NRG3: variants seen among roughly 807,000 people sequenced by gnomAD.
NRG3 encodes pro-neuregulin-3, membrane-bound isoform.
A neutral mutation model predicts 66.9 loss-of-function variants in NRG3; 31 were observed. The observed-to-expected ratio is 0.46, with a 90% CI of 0.35 to 0.63. The LOEUF (loss-of-function observed/expected upper bound fraction) is 0.63, where lower values mean the gene tolerates loss of function less well. NRG3 is among the 20% of genes least tolerant of loss of function. The pLI is 0.00. For missense variants in NRG3, 910 were observed against 878.9 expected (o/e 1.04, Z -0.45); for synonymous variants, 393 against 359.4 (o/e 1.09, Z -1.06).
intron 2 of NRG3, among the ~76,000 whole-genome samples, chr10:82,524,683 T>A (rs1846518307): frequency 6.6e-6 from 1 of 151,916 alleles, no homozygotes; most frequent in African/African-American, 2.4e-5. Flanking sequence ...TCTTCAAATA[T>A]AGAGCAGTCT....
chr10:82,604,435 A>G (rs746222554), intron 2 of NRG3, among the ~76,000 whole-genome samples: 1 of 152,126 alleles, frequency 6.6e-6, no homozygotes, highest in Non-Finnish European at 1.5e-5. Context: ...ATCCATTCAC[A>G]TATTGAAGGC....
chr10:82,913,772 T>C (rs181578786), intron 4 of NRG3, among the ~76,000 whole-genome samples: 18 of 152,344 alleles, frequency 1.2e-4, no homozygotes, highest in Non-Finnish European at 2.5e-4. Flanking sequence ...TTTAACATGA[T>C]GCATAATGTA....
chr10:82,524,184 C>T (rs773088902), intron 2 of NRG3, among the ~76,000 whole-genome samples: 4 of 152,018 alleles, frequency 2.6e-5, no homozygotes, highest in Non-Finnish European at 4.4e-5. Flanking sequence ...TTTGTATCAT[C>T]TCCAATAGTA....
chr10:82,264,332 G>A (rs2078186947), intron 1 of NRG3, among the ~76,000 whole-genome samples: 1 of 152,090 alleles, frequency 6.6e-6, no homozygotes, highest in African/African-American at 2.4e-5. Context: ...TGAGCAAGGG[G>A]GAAACCCCTT....
intron 1 of NRG3, among the ~76,000 whole-genome samples, chr10:81,895,256 T>C (rs1002713346): frequency 2.0e-5 from 3 of 152,196 alleles, no homozygotes; most frequent in African/African-American, 7.2e-5. Context: ...CTTCAAGCAT[T>C]ACAGTTTTAA....
chr10:82,885,032 C>A (rs1458498379), intron 4 of NRG3, among the ~76,000 whole-genome samples: 1 of 152,178 alleles, frequency 6.6e-6, no homozygotes, highest in African/African-American at 2.4e-5. Context: ...AATGGAATCA[C>A]AATCTCAGAA....
At chr10:82,418,362 A>G (rs1439532804) in intron 2 of NRG3, among the ~76,000 whole-genome samples, 1 of 146,702 alleles carries the variant, frequency 6.8e-6, no homozygotes, top group Non-Finnish European at 1.5e-5. Flanking sequence ...GTTATGTTCC[A>G]AAGATGTAAT....
chr10:81,933,351 G>A lies in NRG3; in HGVS notation c.823+57188G>A, dbSNP rs184052750. On this transcript the variant is annotated intron_variant, in intron 1 of 8. Coordinates refer to ENST00000372141, the MANE Select transcript of NRG3 (RefSeq NM_001010848.4). ...TAGATACTTATGTCCCAATTTTGTA[G>A]ATCAGAAAATTGAAGTTAAGGAGAT... is the stretch of plus-strand genomic sequence containing the variant. Among the ~76,000 whole-genome samples the A allele has an allele frequency of 1.9e-3, 292 of 152,172 alleles. 3 individuals carry two copies. Among genetic ancestry groups the A allele is most frequent in the Non-Finnish European group, 4.4e-4 (30 of 67,998 alleles).
intron 1 of NRG3, among the ~76,000 whole-genome samples, chr10:81,996,007 T>A (rs1000049670): frequency 1.3e-5 from 2 of 152,102 alleles, no homozygotes; most frequent in Admixed American, 6.6e-5. Flanking sequence ...GCTCTGGAAT[T>A]TTTTTTTCTT....
intron 4 of NRG3, among the ~76,000 whole-genome samples, chr10:82,894,081 G>A (rs556877395): frequency 1.7e-4 from 26 of 152,282 alleles, no homozygotes; most frequent in Middle Eastern, 3.4e-3. Context: ...TCAGAGAATT[G>A]CAAAGAGGAA....
chr10:82,223,129 G>A (rs1451344444), intron 1 of NRG3, among the ~76,000 whole-genome samples: 1 of 152,070 alleles, frequency 6.6e-6, no homozygotes, highest in Admixed American at 6.6e-5. Flanking sequence ...TTCTTTCAGT[G>A]TAGATTCTTT....
At chr10:82,511,139 C>G (rs908003163) in intron 2 of NRG3, among the ~76,000 whole-genome samples, 1 of 152,106 alleles carries the variant, frequency 6.6e-6, no homozygotes, top group South Asian at 2.1e-4. Context: ...TGGCCTATAA[C>G]TGTGGACACA....
chr10:81,996,796 A>G (rs1348055120), intron 1 of NRG3, among the ~76,000 whole-genome samples: 2 of 152,120 alleles, frequency 1.3e-5, no homozygotes, highest in African/African-American at 4.8e-5. Flanking sequence ...TGCAACACAG[A>G]TGCATAATTT....
chr10:82,110,182 A>C (rs1026399440), intron 1 of NRG3, among the ~76,000 whole-genome samples: 1 of 152,314 alleles, frequency 6.6e-6, no homozygotes, highest in South Asian at 2.1e-4. Context: ...TAAGAAGGTT[A>C]CAATTGAGGG....
chr10:82,398,526 T>TGTGTGTGTGAGAGA (rs373924370), intron 2 of NRG3, among the ~76,000 whole-genome samples: 2 of 136,586 alleles, frequency 1.5e-5, no homozygotes, highest in African/African-American at 5.8e-5. Context: ...TGTGTGTGTG[T>TGTGTGTGTGAGAGA]GAGAGAGAGA....
intron 2 of NRG3, among the ~76,000 whole-genome samples, chr10:82,529,463 A>G (rs1057058952): frequency 1.3e-5 from 2 of 152,364 alleles, no homozygotes; most frequent in South Asian, 2.1e-4. Flanking sequence ...TATAAATGCT[A>G]TCACTACAGT....
intron 3 of NRG3, among the ~76,000 whole-genome samples, chr10:82,802,693 C>T (rs1017806933): frequency 6.6e-6 from 1 of 151,992 alleles, no homozygotes; most frequent in African/African-American, 2.4e-5. Context: ...CGCTCTGTCA[C>T]CCAGGCTGGA....
chr10:82,525,623 G>C (rs1486603419), intron 2 of NRG3, among the ~76,000 whole-genome samples: 1 of 151,522 alleles, frequency 6.6e-6, no homozygotes, highest in Non-Finnish European at 1.5e-5. Flanking sequence ...TTTTTTTCTA[G>C]GGTGAGGAAC....
intron 2 of NRG3, among the ~76,000 whole-genome samples, chr10:82,420,812 A>G (rs2089005450): frequency 1.3e-5 from 2 of 152,226 alleles, no homozygotes; most frequent in South Asian, 4.1e-4. Context: ...GTATATGCAT[A>G]AAATGGACAA....
Sources: gnomAD v4.1 joint callset for allele counts (sites outside exome capture counted in the v4.1 genomes callset) on GRCh38, gnomAD v4.1.1 for gene constraint, MANE v1.5 for transcripts, NCBI Gene and HGNC (gene_info 2026-07-23, HGNC 2026-07-21) for gene names.